Variants in AXIN1 observed in about 807,000 individuals in gnomAD.
The protein encoded by AXIN1 is axin-1.
Under a neutral mutation model 76.4 loss-of-function variants are expected in AXIN1, and 30 were observed. The ratio of observed to expected loss-of-function variants is 0.39; its 90% CI spans 0.29 to 0.53. The LOEUF (loss-of-function observed/expected upper bound fraction) is 0.53, where lower values mean the gene tolerates loss of function less well. Among genes scored for constraint, AXIN1 ranks in the 20% least tolerant of loss-of-function variants. The probability of loss-of-function intolerance (pLI) is 0.66; values close to 1 mark genes in which losing one functional copy is unlikely to be tolerated. For missense variants in AXIN1, 1,140 were observed against 1,198.8 expected (o/e 0.95, Z 0.72); for synonymous variants, 545 against 501.4 (o/e 1.09, Z -1.16).
intron 7 of AXIN1, among the ~76,000 whole-genome samples, chr16:294,898 TAA>T (rs899589590): frequency 1.3e-5 from 2 of 149,138 alleles, no homozygotes; most frequent in South Asian, 2.2e-4. Context: ...CCACCTCTAC[TAA>T]AAAAATACAA....
At chr16:291,565 G>A (rs1392501479) in intron 8 of AXIN1, 5 of 536,544 alleles carry the variant, frequency 9.3e-6, no homozygotes, top group African/African-American at 1.9e-5. Context: ...GGGAGCTTCC[G>A]ATCAGGGGTG....
intron 2 of AXIN1, among the ~76,000 whole-genome samples, chr16:330,409 T>C (rs1042005029): frequency 2.0e-5 from 3 of 152,224 alleles, no homozygotes; most frequent in African/African-American, 7.2e-5. Context: ...TGTCTTTGCA[T>C]TGACTGAAAA....
intron 2 of AXIN1, among the ~76,000 whole-genome samples, chr16:321,870 G>T (rs572421486): frequency 1.2e-3 from 177 of 152,350 alleles, no homozygotes; most frequent in African/African-American, 4.2e-3. Flanking sequence ...TTCGTTGACG[G>T]GCACCCTGAA....
rs2141487297 is a variant in AXIN1 at position 293,705 on chromosome 16, T to A, written c.1969A>T (p.Arg657Trp). Residue 657 changes from arginine (R) to tryptophan (W), a missense_variant, in exon 8 of 11, where the codon AGG becomes TGG. Physicochemically the swap from Arg to Trp is moderately radical, Grantham distance 101. Coordinates refer to ENST00000262320, the MANE Select transcript of AXIN1 (RefSeq NM_003502.4). The surrounding 1 kb of genome is among the most constrained non-coding windows in gnomAD (Gnocchi z 4.6). Reference protein sequence around the residue: ...RRTGHGSSGTRKPQPHENSRP... With the variant: ...RRTGHGSSGTWKPQPHENSRP... ...GAGTTCTCATGGGGCTGTGGCTTCC[T>A]CGTCCCCGAAGACCTTGGGGAACAA... 6.2e-7 allele frequency: 1 copy of A among 1,613,558 alleles called. No homozygotes were observed. The highest frequency in any genetic ancestry group is 8.5e-7 in the Non-Finnish European group (1 of 1,179,986).
rs2141592831 is a variant in AXIN1, at chr16:314,576, T to C, written c.986A>G (p.Asp329Gly). The C allele has an allele frequency of 1.2e-6, 2 of 1,613,918 alleles. No homozygotes were observed. Among genetic ancestry groups the C allele is most frequent in the Non-Finnish European group, 1.7e-6 (2 of 1,179,924 alleles). The change falls in exon 3 of 11, where the codon GAT (aspartate) becomes GGT (glycine). Residue 329 changes from aspartate (D) to glycine (G), a missense_variant. Physicochemically the swap from Asp to Gly is moderately conservative, Grantham distance 94. Coordinates refer to ENST00000262320, the MANE Select transcript of AXIN1 (RefSeq NM_003502.4). ...GTCCGTGAGGGACAGGGTGTCTGCATCGCTGGACAGGCTCTGCTGCTCGCT... is the reference window on the plus strand; with the variant it reads ...GTCCGTGAGGGACAGGGTGTCTGCACCGCTGGACAGGCTCTGCTGCTCGCT... ...NDSEQQSLSSDADTLSLTDSS... is the reference protein window; with the variant it reads ...NDSEQQSLSSGADTLSLTDSS...
intron 2 of AXIN1, among the ~76,000 whole-genome samples, chr16:317,659 T>C (rs1430000503): frequency 6.6e-6 from 1 of 152,200 alleles, no homozygotes; most frequent in African/African-American, 2.4e-5. Context: ...TCACTCCTCG[T>C]CTCCTCTCTG....
chr16:309,387 T>C (rs1378357654), intron 4 of AXIN1, among the ~76,000 whole-genome samples: 1 of 152,218 alleles, frequency 6.6e-6, no homozygotes, highest in Non-Finnish European at 1.5e-5. Context: ...CATTAATCTG[T>C]TCATCAGCGC....
chr16:344,193 G>A (rs565928944), intron 2 of AXIN1, among the ~76,000 whole-genome samples: 1 of 152,000 alleles, frequency 6.6e-6, no homozygotes, highest in Admixed American at 6.5e-5. Flanking sequence ...CGCACTTTGG[G>A]AGACTGAGGC....
At chr16:330,498 T>C (rs2053672601) in intron 2 of AXIN1, among the ~76,000 whole-genome samples, 2 of 152,248 alleles carry the variant, frequency 1.3e-5, no homozygotes, top group African/African-American at 4.8e-5. Flanking sequence ...CACTAGTTAG[T>C]GCTCAGCACA....
chr16:332,663 C>A (rs1247731231), intron 2 of AXIN1, among the ~76,000 whole-genome samples: 736 of 113,072 alleles, frequency 6.5e-3, no homozygotes, highest in East Asian at 0.01. Context: ...TGATCTAAAC[C>A]AAAAAAAAAA....
chr16:312,011 C>T (rs767164449), intron 3 of AXIN1, among the ~76,000 whole-genome samples: 3 of 152,150 alleles, frequency 2.0e-5, no homozygotes, highest in South Asian at 4.1e-4. Context: ...CCACGGTGGG[C>T]GTCAGGAACA....
intron 7 of AXIN1, 27 bp downstream of exon 7, chr16:297,029 G>A (rs1345987827): frequency 5.0e-6 from 8 of 1,607,068 alleles, no homozygotes; most frequent in Middle Eastern, 3.3e-4. Flanking sequence ...CAGGCCCCAC[G>A]AGGCTGGCTG....
chr16:309,129 G>C (rs150413789), intron 4 of AXIN1, among the ~76,000 whole-genome samples: 252 of 152,132 alleles, frequency 1.7e-3, no homozygotes, highest in African/African-American at 5.8e-3. Flanking sequence ...AGGAGATCGA[G>C]ACCATCCTGG....
chr16:348,928 C>G lies in AXIN1; in HGVS notation c.-81-1822G>C, dbSNP rs144121646. Reference sequence around the variant, plus strand: ...CCTGGCTAACACGGTGAAACCCCATCTCTACTAAAAATACAAAAAATTAGC... The same window carrying G: ...CCTGGCTAACACGGTGAAACCCCATGTCTACTAAAAATACAAAAAATTAGC... On this transcript the variant is annotated intron_variant, in intron 1 of 10. Transcript: ENST00000262320. Among the ~76,000 whole-genome samples the G allele has an allele frequency of 4.6e-3, 702 of 151,988 alleles. 8 individuals are homozygous for G. Among genetic ancestry groups the G allele is most frequent in the African/African-American group, 0.015 (640 of 41,438 alleles).
intron 5 of AXIN1, among the ~76,000 whole-genome samples, chr16:301,041 C>T (rs961496172): frequency 4.0e-5 from 6 of 151,888 alleles, no homozygotes; most frequent in Non-Finnish European, 8.8e-5. Flanking sequence ...GAGGCCGAGG[C>T]GGGTGGATCA....
At chr16:331,919 C>T (rs1445902534) in intron 2 of AXIN1, among the ~76,000 whole-genome samples, 2 of 152,172 alleles carry the variant, frequency 1.3e-5, no homozygotes, top group East Asian at 1.9e-4. Flanking sequence ...TGCTCAAAAG[C>T]GCTGTTTCCA....
chr16:304,279 C>T (rs769267779), intron 5 of AXIN1, 25 bp downstream of exon 5: 12 of 1,608,592 alleles, frequency 7.5e-6, no homozygotes, highest in Middle Eastern at 3.5e-4. Context: ...CGACGCGGAG[C>T]GCGACACCGA....
chr16:307,249 C>T (rs886183124), intron 4 of AXIN1, among the ~76,000 whole-genome samples: 4 of 152,186 alleles, frequency 2.6e-5, no homozygotes, highest in Admixed American at 1.3e-4. Flanking sequence ...CATGCCGCCA[C>T]GCGAGCTCCA....
At chr16:331,279 T>G (rs1024787271) in intron 2 of AXIN1, among the ~76,000 whole-genome samples, 2 of 152,218 alleles carry the variant, frequency 1.3e-5, no homozygotes, top group Non-Finnish European at 1.5e-5. Flanking sequence ...CACTCTGGTT[T>G]GTTCCCTTGA....
Sources: gnomAD v4.1 joint callset for allele counts (sites outside exome capture counted in the v4.1 genomes callset) on GRCh38, gnomAD v4.1.1 for gene constraint, Gnocchi (gnomAD v3.1) non-coding constraint, MANE v1.5 for transcripts, NCBI Gene and HGNC (gene_info 2026-07-23, HGNC 2026-07-21) for gene names.